Variants in SEMA5A observed in about 807,000 individuals in gnomAD.
SEMA5A encodes semaphorin-5A.
In SEMA5A, 55 loss-of-function variants were observed where a neutral mutation model predicts 135.5. That is an observed-to-expected ratio of 0.41 (90% CI 0.33 to 0.51). The LOEUF (loss-of-function observed/expected upper bound fraction) is 0.51. SEMA5A is among the 20% of genes least tolerant of loss of function. The pLI is 0.37. For missense variants in SEMA5A, 1,290 were observed against 1,419.9 expected, an observed-to-expected ratio of 0.91 and a Z score of 1.47; for synonymous variants, 580 against 546.5, an observed-to-expected ratio of 1.06 and a Z score of -0.85.
chr5:9,083,409 T>C (rs1738497165), intron 16 of SEMA5A, among the ~76,000 whole-genome samples: 1 of 152,226 alleles, frequency 6.6e-6, no homozygotes, highest in Non-Finnish European at 1.5e-5. Flanking sequence ...TTTAATTAGA[T>C]TCTTATTACT....
chr5:9,276,739 T>TG (rs1438030558), intron 5 of SEMA5A, among the ~76,000 whole-genome samples: 30 of 152,298 alleles, frequency 2.0e-4, no homozygotes, highest in African/African-American at 7.2e-4. Flanking sequence ...TAAATGGTGT[T>TG]GGGAAAACTG....
intron 6 of SEMA5A, among the ~76,000 whole-genome samples, chr5:9,232,603 C>G (rs1386622141): frequency 6.6e-6 from 1 of 152,084 alleles, no homozygotes; most frequent in Non-Finnish European, 1.5e-5. Context: ...TAGAGATAAA[C>G]ACTCATATAC....
chr5:9,161,317 A>G (rs184151250), intron 11 of SEMA5A, among the ~76,000 whole-genome samples: 97 of 152,258 alleles, frequency 6.4e-4, no homozygotes, highest in African/African-American at 2.2e-3. Flanking sequence ...GAGGTTTAGG[A>G]GGTAGGAACC....
At chr5:9,428,560 C>A (rs968925148) in intron 2 of SEMA5A, among the ~76,000 whole-genome samples, 2 of 152,096 alleles carry the variant, frequency 1.3e-5, no homozygotes, top group Non-Finnish European at 2.9e-5. Context: ...TCATAGATAA[C>A]CATTAATAAG....
chr5:9,426,089 G>C (rs268485), intron 2 of SEMA5A, among the ~76,000 whole-genome samples: 138,675 of 152,226 alleles, frequency 0.91, 63,641 homozygotes, highest in African/African-American at 0.96. Context: ...CAAGTTATTA[G>C]CAGTGCTTCA....
intron 2 of SEMA5A, among the ~76,000 whole-genome samples, chr5:9,421,440 C>T (rs1295953340): frequency 6.6e-6 from 1 of 152,182 alleles, no homozygotes; most frequent in Non-Finnish European, 1.5e-5. Context: ...TATAAACATT[C>T]ACTATACATG....
chr5:9,145,752 C>T (rs1742297330), intron 12 of SEMA5A, among the ~76,000 whole-genome samples: 1 of 151,002 alleles, frequency 6.6e-6, no homozygotes, highest in African/African-American at 2.4e-5. Context: ...AATTCCCCTG[C>T]CTCAGCCTCC....
intron 11 of SEMA5A, among the ~76,000 whole-genome samples, chr5:9,183,060 T>C (rs1462541876): frequency 6.6e-6 from 1 of 152,096 alleles, no homozygotes; most frequent in Non-Finnish European, 1.5e-5. Flanking sequence ...TGTGGTTGCC[T>C]AGAAAACAGA....
chr5:9,088,309 AAAAAAAAAAG>A (rs1459032392), intron 16 of SEMA5A, among the ~76,000 whole-genome samples: 1 of 150,974 alleles, frequency 6.6e-6, no homozygotes, highest in Non-Finnish European at 1.5e-5. Flanking sequence ...TCTCAAAAAA[AAAAAAAAAAG>A]AAAAGAAAAG....
In SEMA5A at chr5:9,108,335, G is replaced by A. The variant is rs369734074; in HGVS notation, c.1926-48C>T. The stretch of plus-strand genomic sequence containing the variant: ...ACAAGGAAACTAATTAGTGCCACTT[G>A]AAACCACTGACGTTTCCATCTCCAT... On this transcript the variant is annotated intron_variant, in intron 15 of 22. Transcript: ENST00000382496. The A allele has an allele frequency of 2.0e-3, 3,148 of 1,602,366 alleles. 2 individuals are homozygous for A. The highest frequency in any genetic ancestry group is 2.5e-3 in the Non-Finnish European group (2,917 of 1,170,978).
chr5:9,157,510 G>A, intron 11 of SEMA5A, among the ~76,000 whole-genome samples: 1 of 152,082 alleles, frequency 6.6e-6, no homozygotes, highest in East Asian at 1.9e-4. Context: ...CTCCTTCCCT[G>A]TCACCCACAG....
At chr5:9,193,893 T>C (rs1745247173) in intron 10 of SEMA5A, among the ~76,000 whole-genome samples, 2 of 152,134 alleles carry the variant, frequency 1.3e-5, no homozygotes, top group African/African-American at 2.4e-5. Context: ...CAAGACTCTG[T>C]CTCAAAAACA....
chr5:9,078,881 G>A (rs1447475957), intron 16 of SEMA5A, among the ~76,000 whole-genome samples: 2 of 151,926 alleles, frequency 1.3e-5, no homozygotes, highest in African/African-American at 2.4e-5. Context: ...AGCAGCATAG[G>A]CCACTAATAG....
In SEMA5A at chr5:9,257,115, G is replaced by A. The variant is rs1346573740; in HGVS notation, c.271-19225C>T. On this transcript the variant is annotated intron_variant, in intron 5 of 22. Coordinates refer to ENST00000382496, the MANE Select transcript of SEMA5A (RefSeq NM_003966.3). ...CTGGAGAGCTTATTCATGGCATGGAGGAATTTGCTGGTACATTGAGTGAGT... is the reference window on the plus strand; with the variant it reads ...CTGGAGAGCTTATTCATGGCATGGAAGAATTTGCTGGTACATTGAGTGAGT... Among the ~76,000 whole-genome samples the A allele has an allele frequency of 2.6e-5, 4 of 152,308 alleles. No homozygotes were observed. The East Asian group carries it at 7.7e-4, about 29-fold the overall frequency.
At chr5:9,217,206 C>A (rs1746678177) in intron 8 of SEMA5A, among the ~76,000 whole-genome samples, 1 of 152,184 alleles carries the variant, frequency 6.6e-6, no homozygotes, top group Non-Finnish European at 1.5e-5. Context: ...ATTTGCTTAT[C>A]TGAAGAGAAT....
intron 9 of SEMA5A, among the ~76,000 whole-genome samples, chr5:9,200,167 G>A (rs1196187292): frequency 6.6e-6 from 1 of 152,214 alleles, no homozygotes; most frequent in Non-Finnish European, 1.5e-5. Flanking sequence ...GTATTCCAGG[G>A]AGAAAGGGGA....
chr5:9,264,734 A>T (rs2150524525), intron 5 of SEMA5A, among the ~76,000 whole-genome samples: 1 of 152,314 alleles, frequency 6.6e-6, no homozygotes, highest in Non-Finnish European at 1.5e-5. Context: ...ATGGCAACAT[A>T]AAAAAGGAAG....
chr5:9,504,573 T>C (rs577937105), intron 1 of SEMA5A, among the ~76,000 whole-genome samples: 13 of 152,112 alleles, frequency 8.5e-5, no homozygotes, highest in Non-Finnish European at 1.6e-4. Flanking sequence ...GGGCAGAGCA[T>C]GGTGAGGCGC....
rs1742749958 is a variant in SEMA5A, at chr5:9,153,501, A to G, written c.1481+987T>C. On this transcript the variant is annotated intron_variant, in intron 12 of 22. Coordinates refer to ENST00000382496, the MANE Select transcript of SEMA5A (RefSeq NM_003966.3). ...CTGGCCTGAGGGTGAAGGAAGATGC[A>G]ATGACTCTTGGGTTTCCCTGTGGCT... Among the ~76,000 whole-genome samples, 3 of 152,080 alleles carry G rather than the reference A, an allele frequency of 2.0e-5. No homozygotes were observed. The South Asian group carries it at 6.2e-4, about 32-fold the overall frequency.
Sources: allele counts gnomAD v4.1 joint callset (sites outside exome capture counted in the v4.1 genomes callset), GRCh38; gene constraint gnomAD v4.1.1; transcripts MANE v1.5; gene names NCBI Gene and HGNC (gene_info 2026-07-23, HGNC 2026-07-21).